The following TCTN2 variants were observed in gnomAD, a reference collection of about 807,000 sequenced individuals.
TCTN2 encodes tectonic family member 2, also known as tectonic-2.
TCTN2 carries 66 observed loss-of-function variants against 83.4 expected under a neutral mutation model. The observed-to-expected ratio is 0.79, with a 90% CI of 0.65 to 0.97. The LOEUF (loss-of-function observed/expected upper bound fraction) is 0.97, where lower values mean the gene tolerates loss of function less well. TCTN2 is among the 50% of genes least tolerant of loss of function. The pLI is 0.00. For missense variants in TCTN2, 794 were observed against 858.1 expected (o/e 0.93, Z 0.93); for synonymous variants, 301 against 326.7 (o/e 0.92, Z 0.85).
intron 2 of TCTN2, 94 bp downstream of exon 2, chr12:123,671,708 CCT>C: frequency 5.5e-6 from 6 of 1,087,884 alleles, no homozygotes; most frequent in Non-Finnish European, 8.2e-6. Context: ...GGGCCCCCTG[CCT>C]CTGTTCTCTG....
At chr12:123,673,872 G>A in intron 4 of TCTN2, 62 bp downstream of exon 4, 2 of 1,540,362 alleles carry the variant, frequency 1.3e-6, no homozygotes, top group Non-Finnish European at 1.8e-6. Flanking sequence ...GGAGGAAGAG[G>A]TAGGAGGATT....
At chr12:123,700,273 ACCCCAACCAT>A (rs778070987) in intron 14 of TCTN2, 3 of 293,022 alleles carry the variant, frequency 1.0e-5, no homozygotes, top group South Asian at 3.3e-5. Flanking sequence ...AACCTCTTAA[ACCCCAACCAT>A]GTTGGGATTA....
rs2135846405 is a variant in TCTN2 at position 123,694,706 on chromosome 12, C to T, written c.1100-136C>T. The T allele has an allele frequency of 3.5e-6, 3 of 869,132 alleles. 1 individual carries two copies. Among genetic ancestry groups the T allele is most frequent in the South Asian group, 3.0e-5 (2 of 66,952 alleles). The allele number at this position is 869,132 out of a possible 1,614,324, so 53.8% of individuals were successfully genotyped here. A position where few individuals can be genotyped will look rare whatever the true frequency, so the allele number is the denominator to read the frequency against. On this transcript the variant is annotated intron_variant, in intron 9 of 17. Coordinates refer to ENST00000303372, the MANE Select transcript of TCTN2 (RefSeq NM_024809.5). Reference sequence around the variant, plus strand: ...TTCCTCAAGGAAGCAGTGACCGTGCCATGTTAGGGAGCTGGAGATAGGGAG... The same window carrying T: ...TTCCTCAAGGAAGCAGTGACCGTGCTATGTTAGGGAGCTGGAGATAGGGAG...
chr12:123,704,842 G>A (rs1307917292), intron 15 of TCTN2, among the ~76,000 whole-genome samples, 154 bp downstream of exon 15: 1 of 152,058 alleles, frequency 6.6e-6, no homozygotes, highest in Non-Finnish European at 1.5e-5. Flanking sequence ...GAATATGTAC[G>A]AACTATGTGT....
intron 6 of TCTN2, among the ~76,000 whole-genome samples, chr12:123,687,791 A>C (rs1013343925): frequency 6.6e-6 from 1 of 151,896 alleles, no homozygotes; most frequent in African/African-American, 2.4e-5. Flanking sequence ...GTGAAACCCC[A>C]TCTTTACTAA....
chr12:123,671,678 C>A, intron 2 of TCTN2, 64 bp downstream of exon 2: 1 of 1,490,466 alleles, frequency 6.7e-7, no homozygotes, highest in Non-Finnish European at 9.2e-7. Flanking sequence ...CCCAAGGAGC[C>A]TGGAGAGGTG....
At position 123,671,126 on chromosome 12, in the gene TCTN2, T is replaced by G. The variant is rs941153414; in HGVS notation, c.-115T>G. On this transcript the variant is annotated 5_prime_UTR_variant, in exon 1 of 18. Coordinates refer to ENST00000303372, the MANE Select transcript of TCTN2 (RefSeq NM_024809.5). Reference sequence around the variant, plus strand: ...TTGGTGGTTGCCATAGCTCCGGGCGTTCGCTTGCAAGATGGCGGCGGCGGG... The same window carrying G: ...TTGGTGGTTGCCATAGCTCCGGGCGGTCGCTTGCAAGATGGCGGCGGCGGG... The G allele has an allele frequency of 6.7e-6, 7 of 1,049,786 alleles. No homozygotes were observed. Among genetic ancestry groups the G allele is most frequent in the Non-Finnish European group, 1.0e-5 (7 of 702,382 alleles). The allele number at this position is 1,049,786 out of a possible 1,614,324, so 65.0% of individuals were successfully genotyped here. A position where few individuals can be genotyped will look rare whatever the true frequency, so the allele number is the denominator to read the frequency against.
intron 17 of TCTN2, 64 bp downstream of exon 17, chr12:123,707,137 A>G (rs529876120): frequency 7.6e-7 from 1 of 1,324,190 alleles, no homozygotes; most frequent in Non-Finnish European, 1.1e-6. Context: ...TTTTTAAATG[A>G]TGTCTAAATG....
intron 14 of TCTN2, among the ~76,000 whole-genome samples, chr12:123,701,955 T>G (rs1430705196): frequency 2.0e-5 from 3 of 152,116 alleles, no homozygotes; most frequent in African/African-American, 7.2e-5. Flanking sequence ...TGATTTCACC[T>G]CTGAATCCAA....
chr12:123,704,367 G>C (rs1289629203), intron 14 of TCTN2, among the ~76,000 whole-genome samples, 165 bp from the exon 15 acceptor site: 1 of 152,134 alleles, frequency 6.6e-6, no homozygotes, highest in Non-Finnish European at 1.5e-5. Flanking sequence ...TAGACTTTAA[G>C]GGATAACACA....
At chr12:123,684,645 C>G (rs1392074754) in intron 5 of TCTN2, among the ~76,000 whole-genome samples, 1 of 151,982 alleles carries the variant, frequency 6.6e-6, no homozygotes, top group Non-Finnish European at 1.5e-5. Flanking sequence ...AGTGATCTAC[C>G]CACCTTGGCT....
At chr12:123,683,741 C>A (rs902809516) in intron 5 of TCTN2, among the ~76,000 whole-genome samples, 1 of 152,160 alleles carries the variant, frequency 6.6e-6, no homozygotes, top group African/African-American at 2.4e-5. Context: ...CAGGTTCAAG[C>A]GATTCTCCTG....
chr12:123,678,183 A>T (rs77654519), intron 4 of TCTN2, among the ~76,000 whole-genome samples: 5 of 152,154 alleles, frequency 3.3e-5, no homozygotes, highest in Non-Finnish European at 7.3e-5. Context: ...TGGTCAGACC[A>T]CATTTGTCCC....
intron 7 of TCTN2, 136 bp from the exon 8 acceptor site, chr12:123,690,397 C>T (rs989802627): frequency 1.2e-5 from 14 of 1,200,748 alleles, no homozygotes; most frequent in African/African-American, 7.5e-5. Flanking sequence ...GTCAACTAGT[C>T]GGTGAACTTG....
intron 4 of TCTN2, among the ~76,000 whole-genome samples, chr12:123,677,037 G>A (rs1955832345): frequency 6.6e-6 from 1 of 152,102 alleles, no homozygotes; most frequent in African/African-American, 2.4e-5. Context: ...CGTTACCTGA[G>A]CATGATGGTG....
At chr12:123,681,262 A>G (rs192150789) in intron 5 of TCTN2, among the ~76,000 whole-genome samples, 23 of 151,750 alleles carry the variant, frequency 1.5e-4, no homozygotes, top group Admixed American at 2.6e-4. Flanking sequence ...CTTTCAAAAA[A>G]AAAGAAAGAA....
intron 4 of TCTN2, among the ~76,000 whole-genome samples, 189 bp from the exon 5 acceptor site, chr12:123,679,000 T>C (rs1015151028): frequency 3.3e-5 from 5 of 152,102 alleles, no homozygotes; most frequent in Non-Finnish European, 7.3e-5. Flanking sequence ...GGTTTCACCG[T>C]GTTAGCCAGA....
intron 7 of TCTN2, 42 bp downstream of exon 7, chr12:123,688,219 T>TC (rs1176311551): frequency 6.3e-7 from 1 of 1,578,592 alleles, no homozygotes. Flanking sequence ...TTCTCTTTTT[T>TC]TTTTTTTTTT....
chr12:123,703,513 C>G (rs751931422), intron 14 of TCTN2, among the ~76,000 whole-genome samples: 30 of 152,014 alleles, frequency 2.0e-4, no homozygotes, highest in Non-Finnish European at 3.8e-4. Context: ...AGATGAGGTT[C>G]TCACTTTTGT....
Sources: allele counts gnomAD v4.1 joint callset (sites outside exome capture counted in the v4.1 genomes callset), GRCh38; gene constraint gnomAD v4.1.1; transcripts MANE v1.5; gene names NCBI Gene and HGNC (gene_info 2026-07-23, HGNC 2026-07-21).